Variants in TASOR2 observed in about 807,000 individuals in gnomAD.
TASOR2 encodes protein TASOR 2.
A neutral mutation model predicts 199.5 loss-of-function variants in TASOR2; 84 were observed. That is an observed-to-expected ratio of 0.42 (90% confidence interval 0.35 to 0.50). TASOR2 has a LOEUF of 0.50. Ranked by LOEUF, TASOR2 falls within the 20% of genes least tolerant of loss-of-function variation. TASOR2 has a pLI of 0.02. For missense variants in TASOR2, 2,796 were observed against 2,835.9 expected, an observed-to-expected ratio of 0.99 and a Z score of 0.32; for synonymous variants, 1,103 against 1,046.6, an observed-to-expected ratio of 1.05 and a Z score of -1.04.
exon 15 of TASOR2, chr10:5,747,155 C>T: frequency 6.2e-7 from 1 of 1,614,072 alleles, no homozygotes; most frequent in Non-Finnish European, 8.5e-7. Flanking sequence ...AAGAATGGTC[C>T]AAACACTGAA....
At chr10:5,688,115 C>T (rs116958044) in intron 1 of TASOR2, among the ~76,000 whole-genome samples, 47 of 152,258 alleles carry the variant, frequency 3.1e-4, no homozygotes, top group Non-Finnish European at 6.0e-4. Context: ...TGAAGAAAAT[C>T]CAGCGTCATT....
intron 18 of TASOR2, chr10:5,760,950 C>T (rs1413516732): frequency 6.0e-6 from 1 of 167,122 alleles, no homozygotes; most frequent in Non-Finnish European, 1.3e-5. Context: ...GATTATCTGC[C>T]CACAAGGTAT....
Position 5,726,973 on chromosome 10 carries a change from T to C in TASOR2, c.424+16T>C. ...TCAGAACCAGGTATGGAGAACTGTTTTGGGAAAAAATATTTTTCATTATGT... is the reference window on the plus strand; with the variant it reads ...TCAGAACCAGGTATGGAGAACTGTTCTGGGAAAAAATATTTTTCATTATGT... On this transcript the variant is annotated intron_variant, in intron 9 of 20. Transcript: ENST00000328090. 1 of 1,613,806 alleles carries C rather than the reference T, an allele frequency of 6.2e-7. No individual in the cohort carries two copies. The highest frequency in any genetic ancestry group is 8.5e-7 in the Non-Finnish European group (1 of 1,179,840).
Position 5,742,253 on chromosome 10 carries a change from C to T in TASOR2, c.2484C>T (p.Ser828=). 1 of 1,614,144 alleles carries T rather than the reference C, an allele frequency of 6.2e-7. No individual in the cohort carries two copies. Among genetic ancestry groups the T allele is most frequent in the South Asian group, 1.1e-5 (1 of 91,078 alleles). ...CAGCAAAATATGTGTCTATAAATAGCACGTTAGAATCTTGTGAGCTCCGTG... is the reference window on the plus strand; with the variant it reads ...CAGCAAAATATGTGTCTATAAATAGTACGTTAGAATCTTGTGAGCTCCGTG... Residue 828 remains serine, a synonymous_variant, in exon 14 of 21, where the codon AGC becomes AGT. Coordinates refer to ENST00000328090, the Ensembl canonical transcript of TASOR2. This position sits in a 1 kb window ranked among gnomAD's most constrained non-coding sequence, Gnocchi z 4.2.
chr10:5,696,861 A>T (rs1230315204), intron 1 of TASOR2, among the ~76,000 whole-genome samples: 1 of 152,026 alleles, frequency 6.6e-6, no homozygotes, highest in African/African-American at 2.4e-5. Context: ...TGAAAGATGA[A>T]AAAGTTTATA....
At chr10:5,708,338 AAT>A (rs1831402346) in intron 1 of TASOR2, among the ~76,000 whole-genome samples, 1 of 152,098 alleles carries the variant, frequency 6.6e-6, no homozygotes. Flanking sequence ...TCCTCATTGG[AAT>A]ATCTTCCAGA....
At chr10:5,708,388 A>G (rs537067598) in intron 1 of TASOR2, among the ~76,000 whole-genome samples, 2 of 152,236 alleles carry the variant, frequency 1.3e-5, no homozygotes, top group Admixed American at 1.3e-4. Context: ...CTTTCTTGAC[A>G]TAGCTCCATC....
intron 1 of TASOR2, among the ~76,000 whole-genome samples, chr10:5,703,503 A>ATTTTT (rs371366460): frequency 0.016 from 1,781 of 110,182 alleles, 115 homozygotes; most frequent in Middle Eastern, 0.029. Context: ...GGTTTTTCTG[A>ATTTTT]TTTTTTTTTT....
Position 5,748,983 on chromosome 10 carries a change from T to C in TASOR2, c.5562T>C (p.Ser1854=). The change falls in exon 15 of 21, where the codon AGT becomes AGC. Residue 1854 remains serine (S), a synonymous_variant. Transcript: ENST00000328090. This position sits in a 1 kb window ranked among gnomAD's most constrained non-coding sequence, Gnocchi z 5.1. The stretch of plus-strand genomic sequence containing the variant: ...AGGATTCTTATACTTTAAGAGGTAG[T>C]TACACCAGGAAAAAAGATGTTCCCA... The C allele has an allele frequency of 1.9e-6, 3 of 1,614,076 alleles. No individual in the cohort carries two copies. In the South Asian group the frequency reaches 3.3e-5, roughly 18 times the overall value.
At chr10:5,712,057 A>G (rs890109734) in intron 1 of TASOR2, 2 of 166,940 alleles carry the variant, frequency 1.2e-5, no homozygotes, top group African/African-American at 2.4e-5. Context: ...AATTGCTCTA[A>G]AAGTCTAAGC....
At chr10:5,757,694 CCT>C (rs2131655151) in intron 17 of TASOR2, 21 bp downstream of exon 18, 1 of 1,610,314 alleles carries the variant, frequency 6.2e-7, no homozygotes, top group Non-Finnish European at 8.5e-7. Context: ...ATTTTCTTTT[CCT>C]GTTTCTTTGA....
chr10:5,748,548 T>C lies in TASOR2; in HGVS notation c.5127T>C (p.Gly1709=). 1 of 1,613,344 alleles carries C rather than the reference T, an allele frequency of 6.2e-7. No homozygotes were observed. Among genetic ancestry groups the C allele is most frequent in the Non-Finnish European group, 8.5e-7 (1 of 1,180,026 alleles). The stretch of plus-strand genomic sequence containing the variant: ...CTGAGTTACATAAAGAAACCACAGG[T>C]CCAGGCACTGCTGGCCCTCAGTCCA... Residue 1709 remains glycine, a synonymous_variant, in exon 15 of 21, where the codon GGT becomes GGC. Transcript: ENST00000328090. This position sits in a 1 kb window ranked among gnomAD's most constrained non-coding sequence, Gnocchi z 5.1.
exon 18 of TASOR2, chr10:5,758,937 A>C (rs756688668): frequency 6.2e-7 from 1 of 1,614,206 alleles, no homozygotes; most frequent in South Asian, 1.1e-5. Context: ...TGGAAATGGA[A>C]GATGGAAGTG....
chr10:5,701,923 TC>T lies in TASOR2; in HGVS notation c.-287-10899del, dbSNP rs1291974544. On this transcript the variant is annotated intron_variant, in intron 1 of 20. Transcript: ENST00000328090. The surrounding 1 kb of genome is among the most constrained non-coding windows in gnomAD (Gnocchi z 4.9). ...CTGTGAACAGGCTTATTTGACTTCT[TC>T]TTTTCTGATTTGGATGCCCTCTATT... is the stretch of plus-strand genomic sequence containing the variant. Among the ~76,000 whole-genome samples the T allele has an allele frequency of 1.2e-5, 1 of 83,582 alleles. No individual in the cohort carries two copies. The highest frequency in any genetic ancestry group is 3.4e-4 in the East Asian group (1 of 2,956). The allele number at this position is 83,582 out of a possible 152,430, so 54.8% of individuals were successfully genotyped here.
chr10:5,750,006 A>G lies in TASOR2; in HGVS notation c.6585A>G (p.Lys2195=), dbSNP rs1196324153. 6.2e-7 allele frequency: 1 copy of G among 1,601,418 alleles called. No individual in the cohort carries two copies. Among genetic ancestry groups the G allele is most frequent in the South Asian group, 1.1e-5 (1 of 88,784 alleles). The change falls in exon 15 of 21, where the codon AAA becomes AAG. Residue 2195 remains lysine (K), a synonymous_variant. Transcript: ENST00000328090. This position sits in a 1 kb window ranked among gnomAD's most constrained non-coding sequence, Gnocchi z 5.4. The stretch of plus-strand genomic sequence containing the variant: ...TCTACCTTGTCGAAACAGAAGACAA[A>G]TCATTCTTTGTAAGAACAAAGGTAA...
chr10:5,707,278 G>A (rs1820909522), intron 1 of TASOR2, among the ~76,000 whole-genome samples: 1 of 152,172 alleles, frequency 6.6e-6, no homozygotes, highest in African/African-American at 2.4e-5. Context: ...CCATCAGTTA[G>A]TATGTCTTCA....
chr10:5,763,622 T>C (rs1296075807), exon 21 of TASOR2: 1 of 152,152 alleles, frequency 6.6e-6, no homozygotes, highest in Non-Finnish European at 1.5e-5. Flanking sequence ...ATTGAAAATT[T>C]CTACAGTAAA....
chr10:5,704,359 A>C (rs1838303776), intron 1 of TASOR2, among the ~76,000 whole-genome samples: 1 of 152,096 alleles, frequency 6.6e-6, no homozygotes, highest in African/African-American at 2.4e-5. Context: ...CTGTTTTCTT[A>C]AGTAGGTTTT....
chr10:5,706,853 A>T lies in TASOR2; in HGVS notation c.-287-5970A>T, dbSNP rs1274885598. On this transcript the variant is annotated intron_variant, in intron 1 of 20. Transcript: ENST00000328090. This position sits in a 1 kb window ranked among gnomAD's most constrained non-coding sequence, Gnocchi z 4.8. ...TCCCATCTCTACTAAAAATACAAAAATTAGCCGGGCATGTTGCTGGGCACT... is the reference window on the plus strand; with the variant it reads ...TCCCATCTCTACTAAAAATACAAAATTTAGCCGGGCATGTTGCTGGGCACT... 1.3e-5 allele frequency among the ~76,000 whole-genome samples: 2 copies of T among 152,076 alleles called. No homozygotes were observed. The highest frequency in any genetic ancestry group is 6.6e-5 in the Admixed American group (1 of 15,262).
Sources: allele counts gnomAD v4.1 joint callset (sites outside exome capture counted in the v4.1 genomes callset), GRCh38; gene constraint gnomAD v4.1.1; non-coding constraint Gnocchi (gnomAD v3.1); transcripts MANE v1.5; gene names NCBI Gene and HGNC (gene_info 2026-07-23, HGNC 2026-07-21).